Variants in UNC13C observed in about 807,000 individuals in gnomAD.
UNC13C encodes unc-13 homolog C, also known as protein unc-13 homolog C.
Under a neutral mutation model 245.4 loss-of-function variants are expected in UNC13C, and 174 were observed. The ratio of observed to expected loss-of-function variants is 0.71; its 90% CI spans 0.63 to 0.80. The LOEUF is 0.80. UNC13C is among the 30% of genes least tolerant of loss of function. The pLI is 0.00. For synonymous variants in UNC13C, 992 were observed against 895.1 expected (o/e 1.11, Z -1.93); for missense variants, 2,829 against 2,602.9 (o/e 1.09, Z -1.89).
chr15:54,103,884 A>G (rs763051254), intron 2 of UNC13C, among the ~76,000 whole-genome samples: 3 of 152,170 alleles, frequency 2.0e-5, no homozygotes, highest in Non-Finnish European at 4.4e-5. Flanking sequence ...AGCTGGAACT[A>G]CAGGCATGTG....
intron 17 of UNC13C, among the ~76,000 whole-genome samples, chr15:54,382,320 C>G (rs966093842): frequency 1.3e-5 from 2 of 152,146 alleles, no homozygotes; most frequent in Non-Finnish European, 2.9e-5. Context: ...TGGCTCACTC[C>G]TATAGTCCCC....
At chr15:54,045,298 G>A (rs1896987965) in intron 2 of UNC13C, among the ~76,000 whole-genome samples, 1 of 152,016 alleles carries the variant, frequency 6.6e-6, no homozygotes, top group African/African-American at 2.4e-5. Flanking sequence ...AGCAACATTT[G>A]TTGAAAAGAT....
chr15:54,255,452 G>A (rs1172857394), intron 8 of UNC13C, among the ~76,000 whole-genome samples: 3 of 152,070 alleles, frequency 2.0e-5, no homozygotes, highest in Non-Finnish European at 2.9e-5. Flanking sequence ...GTCTGCCGAC[G>A]TGACGATTTC....
Position 54,300,181 on chromosome 15 carries a change from C to A in UNC13C, c.4105-29C>A, listed in dbSNP as rs16974475. On this transcript the variant is annotated intron_variant, in intron 12 of 32. Coordinates refer to ENST00000260323, the MANE Select transcript of UNC13C (RefSeq NM_001080534.3). ...GTTTCTGGCCTATTCTGAGGAATCACTGAACAATTAAAAACCACTTGCTTT... is the reference window on the plus strand; with the variant it reads ...GTTTCTGGCCTATTCTGAGGAATCAATGAACAATTAAAAACCACTTGCTTT... 1.2e-3 allele frequency: 1,846 copies of A among 1,580,028 alleles called. 16 individuals are homozygous for A. The African/African-American group carries it at 0.02, about 18-fold the overall frequency.
chr15:54,013,186 C>T lies in UNC13C; in HGVS notation c.283C>T (p.Arg95Ter), dbSNP rs777064285. 1.2e-4 allele frequency: 195 copies of T among 1,613,754 alleles called. 1 individual carries two copies. The Middle Eastern group carries it at 5.9e-3, about 49-fold the overall frequency. Reference protein sequence around the residue: ...EFSLSPTFSYRVAIANGLQKN... With the variant: ...EFSLSPTFSY The stretch of plus-strand genomic sequence containing the variant: ...TTCCCTCTCACCAACATTCAGTTAC[C>T]GAGTAGCTATTGCCAATGGCCTACA... The change falls in exon 2 of 33, where the codon CGA (arginine) becomes TGA (stop). Residue 95 changes from arginine to a stop codon, truncating the protein, a stop_gained. Coordinates refer to ENST00000260323, the MANE Select transcript of UNC13C (RefSeq NM_001080534.3). LOFTEE classifies it high-confidence loss of function.
At chr15:53,939,266 C>T in the UNC13C span, among the ~76,000 whole-genome samples, 1 of 152,150 alleles carries the variant, frequency 6.6e-6, no homozygotes, top group Non-Finnish European at 1.5e-5. Flanking sequence ...TGGACACGTA[C>T]ACCGTCTCAA....
chr15:54,525,326 G>A (rs1376070715), intron 24 of UNC13C, among the ~76,000 whole-genome samples: 1 of 151,190 alleles, frequency 6.6e-6, no homozygotes, highest in Non-Finnish European at 1.5e-5. Flanking sequence ...TTGTATGCAT[G>A]CCCTGCATTT....
chr15:54,572,145 A>G (rs373638499), intron 30 of UNC13C, among the ~76,000 whole-genome samples: 46 of 152,168 alleles, frequency 3.0e-4, no homozygotes, highest in African/African-American at 1.1e-3. Context: ...GCAGGGTGCC[A>G]GATCCCGGGT....
At chr15:54,204,417 T>C (rs2034645086) in intron 4 of UNC13C, among the ~76,000 whole-genome samples, 1 of 151,786 alleles carries the variant, frequency 6.6e-6, no homozygotes. Context: ...GTATAAGGGC[T>C]GTAGGCATAA....
intron 4 of UNC13C, among the ~76,000 whole-genome samples, chr15:54,171,858 G>T (rs1389833794): frequency 6.6e-6 from 1 of 152,054 alleles, no homozygotes; most frequent in Non-Finnish European, 1.5e-5. Flanking sequence ...CAACCTAAGT[G>T]TCCCATCAAC....
At chr15:53,915,733 T>A in the UNC13C span, among the ~76,000 whole-genome samples, 2 of 152,240 alleles carry the variant, frequency 1.3e-5, no homozygotes, top group Admixed American at 1.3e-4. Context: ...GCAAACATTT[T>A]AAAAGTCTAT....
intron 4 of UNC13C, among the ~76,000 whole-genome samples, chr15:54,180,518 G>A (rs749143245): frequency 1.3e-5 from 2 of 152,048 alleles, no homozygotes; most frequent in Non-Finnish European, 2.9e-5. Context: ...TATATACCCA[G>A]TAATGGCATT....
the UNC13C span, among the ~76,000 whole-genome samples, chr15:53,903,781 A>G: frequency 7.2e-5 from 11 of 152,350 alleles, no homozygotes; most frequent in African/African-American, 2.2e-4. Flanking sequence ...AGCCATATGT[A>G]TAACCTAATT....
rs77548217 is a variant in UNC13C, at chr15:54,451,988, C to T, written c.4933+36921C>T. Among the ~76,000 whole-genome samples, 267 of 152,278 alleles carry T rather than the reference C, an allele frequency of 1.8e-3. 3 individuals are homozygous for T. The East Asian group carries it at 0.029, about 16-fold the overall frequency. On this transcript the variant is annotated intron_variant, in intron 19 of 32. Coordinates refer to ENST00000260323, the MANE Select transcript of UNC13C (RefSeq NM_001080534.3). ...GGAACATTGGCTTTGATTCTCAGTG[C>T]ATGCAGTAGTGTATTATTTGTATCA...
rs76144479 is a variant in UNC13C, at chr15:54,163,495, T to C, written c.3071+19811T>C. Among the ~76,000 whole-genome samples the C allele has an allele frequency of 4.4e-3, 671 of 152,238 alleles. 42 individuals carry two copies. In the East Asian group the frequency reaches 0.088, roughly 20 times the overall value. On this transcript the variant is annotated intron_variant, in intron 4 of 32. Transcript: ENST00000260323. ...ATTCTCCATCAATTTTTTAAATGTG[T>C]CTAAATCATTTTTAAACTTTACCAC...
chr15:54,470,588 ATC>A (rs1011719016), intron 19 of UNC13C, among the ~76,000 whole-genome samples: 1 of 145,336 alleles, frequency 6.9e-6, no homozygotes, highest in African/African-American at 2.5e-5. Context: ...CAGCTGTAAT[ATC>A]TCTTTTTTCA....
At chr15:53,900,543 A>T in the UNC13C span, among the ~76,000 whole-genome samples, 1 of 152,218 alleles carries the variant, frequency 6.6e-6, no homozygotes, top group South Asian at 2.1e-4. Context: ...TTAGGAAACC[A>T]GTGAGATATG....
chr15:54,250,675 T>C (rs1050775132), intron 8 of UNC13C, among the ~76,000 whole-genome samples: 7 of 151,792 alleles, frequency 4.6e-5, no homozygotes, highest in African/African-American at 1.7e-4. Context: ...GGAGTGAAAT[T>C]GCACTCTCAT....
the UNC13C span, among the ~76,000 whole-genome samples, chr15:53,842,149 G>A: frequency 2.6e-5 from 4 of 152,142 alleles, no homozygotes; most frequent in South Asian, 6.2e-4. Flanking sequence ...CACTGAGCAG[G>A]AGAATGGGAA....
Sources: gnomAD v4.1 joint callset for allele counts (sites outside exome capture counted in the v4.1 genomes callset) on GRCh38, gnomAD v4.1.1 for gene constraint, MANE v1.5 for transcripts, NCBI Gene and HGNC (gene_info 2026-07-23, HGNC 2026-07-21) for gene names.